Variants in TRPC4 observed in about 807,000 individuals in gnomAD.
TRPC4 encodes the protein short transient receptor potential channel 4.
TRPC4 carries 49 observed loss-of-function variants against 99.4 expected under a neutral mutation model. The ratio of observed to expected loss-of-function variants is 0.49; its 90% CI spans 0.39 to 0.63. TRPC4 has a LOEUF of 0.63. Ranked by LOEUF, TRPC4 falls within the 20% of genes least tolerant of loss-of-function variation. The pLI is 0.00. For missense variants in TRPC4, 898 were observed against 1,152.9 expected (o/e 0.78, Z 3.20); for synonymous variants, 454 against 425.9 (o/e 1.07, Z -0.81).
intron 1 of TRPC4, among the ~76,000 whole-genome samples, chr13:37,856,736 T>G (rs1222417933): frequency 6.6e-6 from 1 of 151,682 alleles, no homozygotes; most frequent in Non-Finnish European, 1.5e-5. Context: ...CATACACAAA[T>G]CAATCAGTGT....
chr13:37,729,849 T>C (rs1955186904), intron 3 of TRPC4, among the ~76,000 whole-genome samples: 1 of 152,086 alleles, frequency 6.6e-6, no homozygotes, highest in Admixed American at 6.6e-5. Context: ...AAACACTAAC[T>C]CCTCATTTCC....
intron 4 of TRPC4, among the ~76,000 whole-genome samples, chr13:37,691,706 T>C (rs1953718020): frequency 1.3e-5 from 2 of 152,230 alleles, no homozygotes; most frequent in African/African-American, 2.4e-5. Flanking sequence ...CAATGAGATA[T>C]GTTGAAAAGT....
intron 3 of TRPC4, among the ~76,000 whole-genome samples, chr13:37,711,435 A>C (rs1954481411): frequency 6.6e-6 from 1 of 152,032 alleles, no homozygotes; most frequent in South Asian, 2.1e-4. Context: ...GTAATTTATT[A>C]ATTAATAATG....
chr13:37,719,701 T>C (rs1192945898), intron 3 of TRPC4, among the ~76,000 whole-genome samples: 2 of 151,614 alleles, frequency 1.3e-5, no homozygotes, highest in Admixed American at 6.6e-5. Context: ...GCAAAGCTTC[T>C]ACATATTGCA....
chr13:37,752,756 T>C (rs2139197822), intron 2 of TRPC4, among the ~76,000 whole-genome samples: 1 of 152,152 alleles, frequency 6.6e-6, no homozygotes, highest in Non-Finnish European at 1.5e-5. Context: ...ATTTCAGATG[T>C]TATGTCCTAG....
chr13:37,691,875 G>A, intron 4 of TRPC4, 124 bp downstream of exon 4: 1 of 937,086 alleles, frequency 1.1e-6, no homozygotes, highest in Non-Finnish European at 1.5e-6. Context: ...GGTTCTTGGA[G>A]CTACAATAGT....
chr13:37,811,727 C>T (rs1418494916), intron 1 of TRPC4, among the ~76,000 whole-genome samples: 4 of 152,168 alleles, frequency 2.6e-5, no homozygotes, highest in African/African-American at 9.7e-5. Flanking sequence ...GGGTCAGGGA[C>T]AGTCTATTCC....
chr13:37,703,123 T>C (rs1465170779), intron 3 of TRPC4, among the ~76,000 whole-genome samples: 1 of 152,178 alleles, frequency 6.6e-6, no homozygotes, highest in African/African-American at 2.4e-5. Context: ...TAGTTGTATG[T>C]GCTAGGACTC....
intron 2 of TRPC4, among the ~76,000 whole-genome samples, chr13:37,752,299 G>A (rs1012435320): frequency 6.6e-6 from 1 of 151,636 alleles, no homozygotes; most frequent in Admixed American, 6.6e-5. Context: ...TTTTGGAAGC[G>A]TTAGAACATT....
chr13:37,745,473 TAC>T (rs370854698), intron 3 of TRPC4, among the ~76,000 whole-genome samples: 241 of 5,232 alleles, frequency 0.046, 2 homozygotes, highest in African/African-American at 0.056. Context: ...TATATATATA[TAC>T]ACACACACAC....
intron 10 of TRPC4, 127 bp from the exon 11 acceptor site, chr13:37,637,752 G>C (rs984186800): frequency 2.2e-5 from 20 of 917,562 alleles, no homozygotes; most frequent in Admixed American, 1.0e-4. Flanking sequence ...ACTCTACTGT[G>C]GTTCTATTTA....
chr13:37,644,216 A>G (rs944076511), intron 8 of TRPC4, among the ~76,000 whole-genome samples: 1 of 152,182 alleles, frequency 6.6e-6, no homozygotes, highest in African/African-American at 2.4e-5. Flanking sequence ...TTGAGTAAAG[A>G]TCAGCTGAAC....
At chr13:37,660,931 C>G (rs1030519374) in intron 6 of TRPC4, among the ~76,000 whole-genome samples, 2 of 152,168 alleles carry the variant, frequency 1.3e-5, no homozygotes, top group East Asian at 3.9e-4. Context: ...ACAGAGTCAT[C>G]AAGAGACAGG....
chr13:37,767,141 A>G (rs1242589832), intron 2 of TRPC4, among the ~76,000 whole-genome samples: 3 of 151,338 alleles, frequency 2.0e-5, no homozygotes, highest in Non-Finnish European at 4.4e-5. Flanking sequence ...CTGCCAGTGT[A>G]TTTAATAATT....
chr13:37,745,460 A>ATATGCGTATATATATATATATGCG (rs1555265756), intron 3 of TRPC4, among the ~76,000 whole-genome samples: 1 of 4,928 alleles, frequency 2.0e-4, no homozygotes, highest in African/African-American at 4.3e-4. Context: ...ATATATATAT[A>ATATGCGTATATATATATATATGCG]TATATATATA....
chr13:37,664,766 A>T (rs1382850257), intron 5 of TRPC4, among the ~76,000 whole-genome samples: 1 of 151,878 alleles, frequency 6.6e-6, no homozygotes, highest in African/African-American at 2.4e-5. Flanking sequence ...AGTCCCACAT[A>T]ATGTTTTTTA....
rs140515294 is a variant in TRPC4 at position 37,637,096 on chromosome 13, C to T, written c.2741G>A (p.Arg914Lys). 1.2e-6 allele frequency: 2 copies of T among 1,613,718 alleles called. No individual in the cohort carries two copies. Among genetic ancestry groups the T allele is most frequent in the Non-Finnish European group, 8.5e-7 (1 of 1,179,798 alleles). Residue 914 changes from arginine to lysine, a missense_variant, in exon 11 of 11, where the codon AGG (arginine) becomes AAG (lysine). By Grantham distance (26) the Arg-to-Lys change is conservative. Transcript: ENST00000379705. Reference sequence around the variant, plus strand: ...CTGTAACCCCAGTGTGTCCGTATTCCTTTCTCTATGGTCTACTAACACACA... The same window carrying T: ...CTGTAACCCCAGTGTGTCCGTATTCTTTTCTCTATGGTCTACTAACACACA... ...EQCVLVDHRE[R>K]NTDTLGLQVG...
rs1413828885 is a variant in TRPC4, at chr13:37,637,456, A to G, written c.2381T>C (p.Phe794Ser). ...CAGGGTGGTTAAATCAAAAAGGCTG[A>G]AATTCTTTTTCTTGTCCTTGCTATT... ...EGNSKDKKKN[F>S]SLFDLTTLIH... is the part of the protein sequence containing the mutation. Residue 794 changes from phenylalanine to serine, a missense_variant, in exon 11 of 11, where the codon TTC (phenylalanine) becomes TCC (serine). Around this residue, in one of 3 missense-constraint regions of TRPC4, gnomAD observed 346 missense variants for 351.4 expected, o/e 0.98. Transcript: ENST00000379705. 3 of 1,613,504 alleles carry G rather than the reference A, an allele frequency of 1.9e-6. No individual in the cohort carries two copies. Among genetic ancestry groups the G allele is most frequent in the African/African-American group, 2.7e-5 (2 of 74,870 alleles).
intron 3 of TRPC4, among the ~76,000 whole-genome samples, chr13:37,713,720 A>G (rs891787703): frequency 2.0e-5 from 3 of 152,228 alleles, no homozygotes; most frequent in Non-Finnish European, 1.5e-5. Flanking sequence ...CCTCCCTCAA[A>G]AAACCCATGG....
Sources: gnomAD v4.1 joint callset for allele counts (sites outside exome capture counted in the v4.1 genomes callset) on GRCh38, gnomAD v4.1.1 for gene constraint, gnomAD v4.1.1 regional missense constraint, MANE v1.5 for transcripts, NCBI Gene and HGNC (gene_info 2026-07-23, HGNC 2026-07-21) for gene names.